Variants in ADAMTS9 observed in about 807,000 individuals in gnomAD.
ADAMTS9 encodes the protein A disintegrin and metalloproteinase with thrombospondin motifs 9.
ADAMTS9 carries 107 observed loss-of-function variants against 257.1 expected under a neutral mutation model. The ratio of observed to expected loss-of-function variants is 0.42; its 90% CI spans 0.36 to 0.49. ADAMTS9 has a LOEUF of 0.49. Among genes scored for constraint, ADAMTS9 ranks in the 20% least tolerant of loss-of-function variants. The probability of loss-of-function intolerance (pLI) is 0.03; values close to 1 mark genes in which losing one functional copy is unlikely to be tolerated. For synonymous variants in ADAMTS9, 982 were observed against 880.9 expected (o/e 1.11, Z -2.03); for missense variants, 2,353 against 2,469.1 (o/e 0.95, Z 1.00).
chr3:64,546,241 AT>A (rs1015028652), intron 32 of ADAMTS9, among the ~76,000 whole-genome samples: 112 of 146,562 alleles, frequency 7.6e-4, no homozygotes, highest in East Asian at 4.6e-3. Flanking sequence ...TGCATTTAAG[AT>A]TTTTTTTTTT....
At chr3:64,564,866 C>CA (rs951033574) in intron 29 of ADAMTS9, among the ~76,000 whole-genome samples, 1 of 151,938 alleles carries the variant, frequency 6.6e-6, no homozygotes, top group Admixed American at 6.6e-5. Context: ...ATAAATAAAA[C>CA]AAAAAAACAG....
At chr3:64,649,008 C>T (rs1219368795) in intron 10 of ADAMTS9, among the ~76,000 whole-genome samples, 1 of 152,162 alleles carries the variant, frequency 6.6e-6, no homozygotes, top group Non-Finnish European at 1.5e-5. Flanking sequence ...ACATACGCCA[C>T]CCCAAAGAGA....
At chr3:64,669,688 A>G (rs1255823213) in intron 3 of ADAMTS9, among the ~76,000 whole-genome samples, 2 of 152,082 alleles carry the variant, frequency 1.3e-5, no homozygotes, top group Admixed American at 6.6e-5. Context: ...AAGTGTATGG[A>G]TGAAACAGTC....
intron 16 of ADAMTS9, among the ~76,000 whole-genome samples, chr3:64,627,084 T>C (rs1700240657): frequency 6.6e-6 from 1 of 152,202 alleles, no homozygotes. Context: ...ACCCAGCTGA[T>C]GTCTTGATAA....
chr3:64,576,276 T>C (rs1270899101), intron 28 of ADAMTS9, among the ~76,000 whole-genome samples: 1 of 152,236 alleles, frequency 6.6e-6, no homozygotes, highest in Non-Finnish European at 1.5e-5. Context: ...TGTTATGCCA[T>C]TTCTTTAAAT....
At chr3:64,642,875 G>A (rs1475882182) in intron 11 of ADAMTS9, among the ~76,000 whole-genome samples, 1 of 152,200 alleles carries the variant, frequency 6.6e-6, no homozygotes, top group Non-Finnish European at 1.5e-5. Context: ...GAGGCAGAGA[G>A]GTCTGAAGGC....
intron 14 of ADAMTS9, 125 bp from the exon 15 acceptor site, chr3:64,632,050 A>G: frequency 1.4e-6 from 1 of 734,634 alleles, no homozygotes; most frequent in Non-Finnish European, 2.2e-6. Flanking sequence ...TAAAACTTGG[A>G]AAGGTTGAAA....
At chr3:64,520,056 A>G (rs1000770038) in intron 39 of ADAMTS9, among the ~76,000 whole-genome samples, 18 of 152,276 alleles carry the variant, frequency 1.2e-4, no homozygotes, top group African/African-American at 4.3e-4. Context: ...TAAATATTCC[A>G]CCAAAAGATT....
intron 28 of ADAMTS9, among the ~76,000 whole-genome samples, chr3:64,591,445 A>T (rs546746658): frequency 6.6e-6 from 1 of 152,234 alleles, no homozygotes; most frequent in South Asian, 2.1e-4. Context: ...GTCTCAAAAA[A>T]AAAAAGGAAC....
chr3:64,567,413 A>G (rs1009679109), intron 29 of ADAMTS9, among the ~76,000 whole-genome samples: 1 of 152,208 alleles, frequency 6.6e-6, no homozygotes, highest in African/African-American at 2.4e-5. Flanking sequence ...GGAGAGAAGG[A>G]GCAGCATTAA....
intron 26 of ADAMTS9, among the ~76,000 whole-genome samples, chr3:64,598,826 T>C (rs1344156238): frequency 6.6e-6 from 1 of 152,174 alleles, no homozygotes; most frequent in Non-Finnish European, 1.5e-5. Context: ...ATGTCACCTG[T>C]CAGCTTTATT....
chr3:64,576,869 G>A (rs1419581146), intron 28 of ADAMTS9, among the ~76,000 whole-genome samples: 3 of 152,170 alleles, frequency 2.0e-5, no homozygotes, highest in Admixed American at 6.5e-5. Context: ...CCCTGCATAT[G>A]CTTAGTAAGG....
intron 30 of ADAMTS9, among the ~76,000 whole-genome samples, chr3:64,558,264 T>A: frequency 6.6e-6 from 1 of 152,166 alleles, no homozygotes; most frequent in East Asian, 1.9e-4. Flanking sequence ...CCATATTATT[T>A]ACTAAATGCA....
At position 64,598,932 on chromosome 3, in the gene ADAMTS9, T is replaced by A. The variant is rs1432675193; in HGVS notation, c.4018-1941A>T. 3.3e-5 allele frequency among the ~76,000 whole-genome samples: 5 copies of A among 152,196 alleles called. No homozygotes were observed. In the East Asian group the frequency reaches 9.6e-4, roughly 29 times the overall value. On this transcript the variant is annotated intron_variant, in intron 26 of 39. Transcript: ENST00000498707. ...AGTGCTGGTCACAGGATTTGCTACC[T>A]GGTCCAGTTAAAGATTCTGGAAGAA...
At chr3:64,650,837 A>G (rs994067064) in intron 9 of ADAMTS9, 180 bp downstream of exon 9, 12 of 585,494 alleles carry the variant, frequency 2.0e-5, no homozygotes, top group Non-Finnish European at 3.3e-5. Flanking sequence ...AAACTCTGTC[A>G]AGGATATGAA....
intron 4 of ADAMTS9, among the ~76,000 whole-genome samples, chr3:64,656,230 C>T (rs7615977): frequency 0.78 from 119,213 of 152,138 alleles, 47,007 homozygotes; most frequent in East Asian, 1. Context: ...ATTGGGTGCA[C>T]GTTAGCCGAC....
intron 21 of ADAMTS9, 64 bp downstream of exon 21, chr3:64,615,257 T>C (rs1403002626): frequency 6.4e-7 from 1 of 1,564,322 alleles, no homozygotes; most frequent in Non-Finnish European, 8.7e-7. Flanking sequence ...CTTAAACAGA[T>C]AGAGAGCACC....
At chr3:64,639,398 CT>C (rs1331123308) in intron 12 of ADAMTS9, among the ~76,000 whole-genome samples, 2 of 138,326 alleles carry the variant, frequency 1.4e-5, no homozygotes, top group Non-Finnish European at 3.0e-5. Flanking sequence ...TTCTTAACTT[CT>C]GAATGTGAGG....
intron 3 of ADAMTS9, among the ~76,000 whole-genome samples, chr3:64,667,320 C>T (rs889324186): frequency 3.9e-5 from 6 of 152,198 alleles, no homozygotes; most frequent in African/African-American, 1.4e-4. Context: ...AGAAGTCTTG[C>T]AGGAAAGAAA....
Sources: allele counts gnomAD v4.1 joint callset (sites outside exome capture counted in the v4.1 genomes callset), GRCh38; gene constraint gnomAD v4.1.1; transcripts MANE v1.5; gene names NCBI Gene and HGNC (gene_info 2026-07-23, HGNC 2026-07-21).